ZNF618: variants seen among roughly 807,000 people sequenced by gnomAD.
ZNF618 encodes neural precursor cell expressed, developmentally down-regulated 10.
A neutral mutation model predicts 103.0 loss-of-function variants in ZNF618; 34 were observed. The ratio of observed to expected loss-of-function variants is 0.33; its 90% confidence interval spans 0.25 to 0.44. The LOEUF is 0.44. ZNF618 is among the 20% of genes least tolerant of loss of function. The probability of loss-of-function intolerance (pLI) is 1.00; values close to 1 mark genes in which losing one functional copy is unlikely to be tolerated. For synonymous variants in ZNF618, 551 were observed against 542.2 expected (o/e 1.02, Z -0.23); for missense variants, 1,059 against 1,295.4 (o/e 0.82, Z 2.80).
At chr9:113,977,307 A>T (rs1201349930) in intron 2 of ZNF618, among the ~76,000 whole-genome samples, 1 of 152,210 alleles carries the variant, frequency 6.6e-6, no homozygotes, top group Admixed American at 6.5e-5. Flanking sequence ...CTAGGAGAAG[A>T]TGGCCAGAGG....
chr9:114,049,156 T>C lies in ZNF618; in HGVS notation c.1854T>C (p.Asp618=). ...AGATCAGGACAGTGTACGTGACGGA[T>C]TGCCGGGTGAGCACGTCCGCCTTCT... ...MSEIRTVYVT[D]CRVSTSAFSK... The change falls in exon 15 of 15, where the codon GAT becomes GAC. Residue 618 remains aspartate, a synonymous_variant. Transcript: ENST00000374126. 1 of 1,613,816 alleles carries C rather than the reference T, an allele frequency of 6.2e-7. No individual in the cohort carries two copies. Among genetic ancestry groups the C allele is most frequent in the Non-Finnish European group, 8.5e-7 (1 of 1,179,886 alleles).
At chr9:113,884,393 G>A (rs924035155) in intron 1 of ZNF618, among the ~76,000 whole-genome samples, 9 of 152,210 alleles carry the variant, frequency 5.9e-5, no homozygotes, top group African/African-American at 1.7e-4. Context: ...ATATATTGAT[G>A]ATGATGATTG....
In ZNF618 at chr9:114,035,831, G is replaced by A. The variant is rs150922544; in HGVS notation, c.1169-469G>A. On this transcript the variant is annotated intron_variant, in intron 12 of 14. Transcript: ENST00000374126. ...TCCACTTCTTACCCTTTTCCTTCTT[G>A]TTTTCCTTATGTCTGTTACCTTGGT... 6.6e-3 allele frequency among the ~76,000 whole-genome samples: 1,007 copies of A among 151,892 alleles called. 6 individuals are homozygous for A. The highest frequency in any genetic ancestry group is 0.012 in the Non-Finnish European group (785 of 67,948).
At chr9:113,887,349 C>T (rs979671137) in intron 1 of ZNF618, among the ~76,000 whole-genome samples, 2 of 152,210 alleles carry the variant, frequency 1.3e-5, no homozygotes, top group Non-Finnish European at 2.9e-5. Context: ...CTCCCCTAAA[C>T]ATTAGTTGAA....
chr9:113,981,286 A>G (rs1838951990), intron 2 of ZNF618, among the ~76,000 whole-genome samples: 1 of 152,162 alleles, frequency 6.6e-6, no homozygotes, highest in Non-Finnish European at 1.5e-5. Flanking sequence ...CCTTTGGAGG[A>G]AGAGCAGGGG....
chr9:114,017,039 A>G (rs1023316572), intron 10 of ZNF618, among the ~76,000 whole-genome samples: 5 of 151,998 alleles, frequency 3.3e-5, no homozygotes, highest in African/African-American at 1.2e-4. Context: ...TGCCCACATG[A>G]TTGGGGTGAG....
intron 2 of ZNF618, among the ~76,000 whole-genome samples, chr9:113,976,647 C>G (rs1416552755): frequency 6.6e-6 from 1 of 152,134 alleles, no homozygotes; most frequent in East Asian, 1.9e-4. Flanking sequence ...GGTCTCCCGT[C>G]TCTCCTCCTC....
At chr9:113,954,798 G>A (rs1483654982) in intron 1 of ZNF618, among the ~76,000 whole-genome samples, 1 of 152,176 alleles carries the variant, frequency 6.6e-6, no homozygotes, top group Non-Finnish European at 1.5e-5. Context: ...TGCTCATCAG[G>A]AAGACTGGAA....
At chr9:113,918,566 CATTT>C (rs1216756664) in intron 1 of ZNF618, among the ~76,000 whole-genome samples, 4 of 152,020 alleles carry the variant, frequency 2.6e-5, no homozygotes, top group South Asian at 4.2e-4. Context: ...CTTTCTCCTC[CATTT>C]ATTTATTTAT....
At chr9:113,894,458 T>C (rs979149678) in intron 1 of ZNF618, among the ~76,000 whole-genome samples, 1 of 152,018 alleles carries the variant, frequency 6.6e-6, no homozygotes, top group East Asian at 1.9e-4. Flanking sequence ...GAGGGAAAGA[T>C]GAATCTTGGT....
rs1235730437 is a variant in ZNF618 at position 114,056,373 on chromosome 9, C to T, written c.*6206C>T. On this transcript the variant is annotated 3_prime_UTR_variant, in exon 15 of 15. Transcript: ENST00000374126. ...GTTCTTGTCCAAAAGTGGAACATTC[C>T]CAGGGAGAAGAGGAAGGTTCCACTC... is the stretch of plus-strand genomic sequence containing the variant. 1.3e-5 allele frequency: 2 copies of T among 152,062 alleles called. No homozygotes were observed. The highest frequency in any genetic ancestry group is 2.9e-5 in the Non-Finnish European group (2 of 68,028). The allele number at this position is 152,062 out of a possible 1,614,324, so 9.4% of individuals were successfully genotyped here.
intron 1 of ZNF618, among the ~76,000 whole-genome samples, chr9:113,934,494 C>G (rs904495576): frequency 1.3e-5 from 2 of 152,148 alleles, no homozygotes; most frequent in Non-Finnish European, 2.9e-5. Flanking sequence ...CGCTGAAGCC[C>G]GTGTTCGGTT....
intron 1 of ZNF618, among the ~76,000 whole-genome samples, chr9:113,934,671 G>A (rs773581643): frequency 3.9e-4 from 60 of 152,316 alleles, no homozygotes; most frequent in Admixed American, 2.0e-3. Flanking sequence ...GTACCCGGTT[G>A]GTTATGAGCA....
At chr9:113,914,489 A>G (rs1831882575) in intron 1 of ZNF618, among the ~76,000 whole-genome samples, 1 of 152,216 alleles carries the variant, frequency 6.6e-6, no homozygotes, top group South Asian at 2.1e-4. Flanking sequence ...AGTGTATGCA[A>G]CAAAATCCCA....
In ZNF618 at chr9:113,909,789, G is replaced by GT. The variant is rs5900064; in HGVS notation, c.33+33389dup. ...ACTCACAGCCTAGCCTTTTTTGTTT[G>GT]TTTTTTTTTTTTTGAGACAGAGTCT... is the stretch of plus-strand genomic sequence containing the variant. On this transcript the variant is annotated intron_variant, in intron 1 of 14. Transcript: ENST00000374126. Among the ~76,000 whole-genome samples the GT allele has an allele frequency of 3.1e-3, 437 of 142,260 alleles. 1 individual carries two copies. The highest frequency in any genetic ancestry group is 8.7e-3 in the East Asian group (43 of 4,926). The allele number at this position is 142,260 out of a possible 152,430, so 93.3% of individuals were successfully genotyped here.
At chr9:113,943,181 G>A (rs912806713) in intron 1 of ZNF618, among the ~76,000 whole-genome samples, 4 of 152,198 alleles carry the variant, frequency 2.6e-5, no homozygotes, top group African/African-American at 7.2e-5. Context: ...GGTAAGACAA[G>A]CAGGATGCCA....
At chr9:113,931,637 G>T (rs188557508) in intron 1 of ZNF618, among the ~76,000 whole-genome samples, 1 of 152,182 alleles carries the variant, frequency 6.6e-6, no homozygotes, top group Non-Finnish European at 1.5e-5. Flanking sequence ...TGGGGCTGTT[G>T]AGCCCTTGAA....
At position 114,028,789 on chromosome 9, in the gene ZNF618, C is replaced by T. The variant is rs1164456669; in HGVS notation, c.901C>T (p.His301Tyr). ...DDPDTGSECS[H>Y]PEVSPSPRFV... ...TCCAGACACGGGCTCTGAGTGTTCA[C>T]ATCCAGAGGTCTCCCCATCTCCACG... The change falls in exon 11 of 15, where the codon CAT becomes TAT. Residue 301 changes from histidine to tyrosine, a missense_variant. Physicochemically the swap from His to Tyr is moderately conservative, Grantham distance 83. This residue lies in a region of ZNF618 where 434 missense variants were observed against 476.0 expected (regional missense o/e 0.91). Transcript: ENST00000374126. 23 of 1,550,600 alleles carry T rather than the reference C, an allele frequency of 1.5e-5. No homozygotes were observed. The highest frequency in any genetic ancestry group is 1.8e-5 in the Non-Finnish European group (21 of 1,146,996).
intron 1 of ZNF618, among the ~76,000 whole-genome samples, chr9:113,899,137 G>T (rs1344311298): frequency 1.4e-5 from 2 of 146,150 alleles, no homozygotes; most frequent in African/African-American, 5.0e-5. Flanking sequence ...TTTTTCCCTA[G>T]TTTTTTTTTT....
Sources: gnomAD v4.1 joint callset for allele counts (sites outside exome capture counted in the v4.1 genomes callset) on GRCh38, gnomAD v4.1.1 for gene constraint, gnomAD v4.1.1 regional missense constraint, MANE v1.5 for transcripts, NCBI Gene and HGNC (gene_info 2026-07-23, HGNC 2026-07-21) for gene names.